SAXO1: variants seen among roughly 807,000 people sequenced by gnomAD.
The protein encoded by SAXO1 is 4930500O09Rik.
A neutral mutation model predicts 17.5 loss-of-function variants in SAXO1; 21 were observed. The ratio of observed to expected loss-of-function variants is 1.20; its 90% CI spans 0.85 to 1.72. The LOEUF is 1.72. SAXO1 is among the 40% of genes most tolerant of loss of function. The pLI is 0.00. For missense variants in SAXO1, 843 were observed against 596.0 expected, an observed-to-expected ratio of 1.41 and a Z score of -4.32; for synonymous variants, 274 against 216.5, an observed-to-expected ratio of 1.27 and a Z score of -2.33.
intron 1 of SAXO1, among the ~76,000 whole-genome samples, chr9:19,020,835 T>C (rs927667860): frequency 1.3e-5 from 2 of 152,164 alleles, no homozygotes; most frequent in African/African-American, 4.8e-5. Context: ...ATTGTTCCAG[T>C]ATCACTAACA....
intron 1 of SAXO1, among the ~76,000 whole-genome samples, chr9:18,958,719 T>C (rs575474048): frequency 6.6e-6 from 1 of 151,682 alleles, no homozygotes; most frequent in East Asian, 1.9e-4. Context: ...GTGGGGTGAA[T>C]ATCTGTGCAG....
intron 1 of SAXO1, among the ~76,000 whole-genome samples, chr9:18,974,589 G>A (rs1191791812): frequency 1.3e-5 from 2 of 152,192 alleles, no homozygotes; most frequent in Non-Finnish European, 2.9e-5. Flanking sequence ...AAAAGGACAT[G>A]GGAGCCAACT....
chr9:18,983,017 C>T (rs1017005304), intron 1 of SAXO1, among the ~76,000 whole-genome samples: 37 of 151,964 alleles, frequency 2.4e-4, no homozygotes, highest in Middle Eastern at 3.4e-3. Flanking sequence ...CATGAGGTGA[C>T]GCTTGGGCTA....
chr9:19,006,492 T>C (rs1588518165), intron 1 of SAXO1, among the ~76,000 whole-genome samples: 1 of 152,276 alleles, frequency 6.6e-6, no homozygotes, highest in African/African-American at 2.4e-5. Context: ...TAGAGACAAA[T>C]TGCTAAGTGA....
intron 1 of SAXO1, 29 bp downstream of exon 1, chr9:19,032,842 C>T (rs761759555): frequency 4.4e-6 from 7 of 1,607,560 alleles, no homozygotes; most frequent in African/African-American, 1.3e-5. Flanking sequence ...CAGGCTCCCC[C>T]AGCCTTGCCC....
chr9:19,009,395 A>C (rs1017383226), intron 1 of SAXO1, among the ~76,000 whole-genome samples: 1 of 152,182 alleles, frequency 6.6e-6, no homozygotes, highest in Non-Finnish European at 1.5e-5. Context: ...TTGCAGCTCC[A>C]GTTGAAACTA....
intron 1 of SAXO1, among the ~76,000 whole-genome samples, chr9:18,980,686 C>T (rs1263711036): frequency 6.9e-6 from 1 of 144,158 alleles, no homozygotes; most frequent in Non-Finnish European, 1.5e-5. Context: ...AGTTTCCTGG[C>T]AAGTCACAAA....
intron 1 of SAXO1, among the ~76,000 whole-genome samples, chr9:19,016,117 A>G (rs896860808): frequency 3.9e-5 from 6 of 152,196 alleles, no homozygotes; most frequent in Non-Finnish European, 5.9e-5. Flanking sequence ...CATTCCTGTG[A>G]TAAAGCCATT....
chr9:18,958,438 T>C (rs143830390), intron 1 of SAXO1, among the ~76,000 whole-genome samples: 19 of 151,852 alleles, frequency 1.3e-4, no homozygotes, highest in African/African-American at 4.3e-4. Context: ...AATAAATAAG[T>C]AAACCAGAAC....
intron 1 of SAXO1, chr9:19,027,969 C>T: frequency 2.0e-6 from 3 of 1,523,242 alleles, no homozygotes; most frequent in South Asian, 1.1e-5. Context: ...GGGAGCTGAC[C>T]CGCTGCACAG....
chr9:18,951,013 A>T (rs561020514), intron 1 of SAXO1, 76 bp from the exon 2 acceptor site: 1 of 1,399,790 alleles, frequency 7.1e-7, no homozygotes, highest in Admixed American at 2.0e-5. Flanking sequence ...ACTTCCGCCA[A>T]ATGTGACTCA....
upstream of SAXO1, among the ~76,000 whole-genome samples, chr9:19,038,085 A>T (rs894031972): frequency 6.6e-6 from 1 of 152,236 alleles, no homozygotes; most frequent in East Asian, 1.9e-4. Flanking sequence ...TAGAATGGCA[A>T]TCATTAAAAA....
rs774466142 is a variant in SAXO1, at chr9:18,962,914, G to C, written c.39-11977C>G. ...ATGGTATTAGCTAGCTTTTTTTCTA[G>C]GGTTTTTATGGTTTTACGTCTTACG... On this transcript the variant is annotated intron_variant, in intron 1 of 3. Coordinates refer to ENST00000380534, the MANE Select transcript of SAXO1 (RefSeq NM_153707.4). 8.5e-5 allele frequency among the ~76,000 whole-genome samples: 13 copies of C among 152,242 alleles called. No homozygotes were observed. In the South Asian group the frequency reaches 1.0e-3, roughly 12 times the overall value.
intron 1 of SAXO1, among the ~76,000 whole-genome samples, chr9:18,963,396 G>A (rs1832573697): frequency 6.6e-6 from 1 of 152,168 alleles, no homozygotes; most frequent in Non-Finnish European, 1.5e-5. Context: ...ACTTTGGGCA[G>A]TATGGCCATT....
chr9:18,939,696 C>A (rs781643956), intron 3 of SAXO1, among the ~76,000 whole-genome samples: 3 of 152,180 alleles, frequency 2.0e-5, no homozygotes, highest in Non-Finnish European at 2.9e-5. Context: ...GACACCAGGA[C>A]TTCCAAGGCA....
Position 18,961,609 on chromosome 9 carries a change from T to TA in SAXO1, c.39-10673dup, listed in dbSNP as rs972933976. On this transcript the variant is annotated intron_variant, in intron 1 of 3. Transcript: ENST00000380534. The stretch of plus-strand genomic sequence containing the variant: ...GGTGTTTGCTTTTCTGTTCCTGTGT[T>TA]AGTTTGCTGAGAATGATGGTTTCCA... 1.5e-4 allele frequency among the ~76,000 whole-genome samples: 23 copies of TA among 152,136 alleles called. 1 individual carries two copies. Among genetic ancestry groups the TA allele is most frequent in the Non-Finnish European group, 4.4e-5 (3 of 68,024 alleles).
Position 19,044,494 on chromosome 9 carries a change from G to T in SAXO1, c.-158+4715C>A, listed in dbSNP as rs200989974. Among the ~76,000 whole-genome samples, 4 of 152,300 alleles carry T rather than the reference G, an allele frequency of 2.6e-5. No individual in the cohort carries two copies. In the East Asian group the frequency reaches 5.8e-4, roughly 22 times the overall value. ...TGAGATGGCAAGAACAAAAAATGGGGTAAGAGATCATAAAATCAAAATTTT... is the reference window on the plus strand; with the variant it reads ...TGAGATGGCAAGAACAAAAAATGGGTTAAGAGATCATAAAATCAAAATTTT... On this transcript the variant is annotated intron_variant, in intron 1 of 3. Coordinates refer to the SAXO1 transcript ENST00000542071.
At chr9:18,945,583 A>C (rs1280712482) in intron 2 of SAXO1, among the ~76,000 whole-genome samples, 1 of 152,178 alleles carries the variant, frequency 6.6e-6, no homozygotes, top group Admixed American at 6.5e-5. Flanking sequence ...GGTTTGATTC[A>C]TGCCCCTGGT....
chr9:18,936,185 C>G (rs1831281508), intron 3 of SAXO1, among the ~76,000 whole-genome samples: 1 of 152,156 alleles, frequency 6.6e-6, no homozygotes, highest in Non-Finnish European at 1.5e-5. Context: ...CCAGCACGCT[C>G]TTAAGTTTAT....
Sources: gnomAD v4.1 joint callset for allele counts (sites outside exome capture counted in the v4.1 genomes callset) on GRCh38, gnomAD v4.1.1 for gene constraint, MANE v1.5 for transcripts, NCBI Gene and HGNC (gene_info 2026-07-23, HGNC 2026-07-21) for gene names.